The following TTC29 variants were observed in gnomAD, a reference collection of about 807,000 sequenced individuals.
TTC29 encodes tetratricopeptide repeat protein 29.
TTC29 carries 49 observed loss-of-function variants against 58.1 expected under a neutral mutation model. The observed-to-expected ratio is 0.84, with a 90% CI of 0.67 to 1.07. The LOEUF (loss-of-function observed/expected upper bound fraction) is 1.07, where lower values mean the gene tolerates loss of function less well. Among genes scored for constraint, TTC29 ranks in the 50% least tolerant of loss-of-function variants. TTC29 has a pLI of 0.00. For synonymous variants in TTC29, 209 were observed against 196.8 expected (o/e 1.06, Z -0.52); for missense variants, 582 against 555.6 (o/e 1.05, Z -0.48).
At chr4:146,799,864 T>A (rs186229272) in intron 11 of TTC29, among the ~76,000 whole-genome samples, 2 of 152,306 alleles carry the variant, frequency 1.3e-5, no homozygotes, top group Admixed American at 6.5e-5. Flanking sequence ...CTGTTCCACA[T>A]GTGGGTCTGA....
At chr4:146,801,978 CAAAAAAAAAAAAAAAAAA>C (rs57486017) in intron 11 of TTC29, among the ~76,000 whole-genome samples, 5 of 38,774 alleles carry the variant, frequency 1.3e-4, no homozygotes, top group Admixed American at 4.3e-4. Context: ...GACTCTGTCT[CAAAAAAAAAAAAAAAAAA>C]AAAAAAAAAA....
intron 4 of TTC29, among the ~76,000 whole-genome samples, chr4:146,911,450 A>G (rs1397213094): frequency 2.6e-5 from 4 of 152,228 alleles, no homozygotes; most frequent in Non-Finnish European, 5.9e-5. Context: ...TCATAGAACA[A>G]AGACGGATCA....
chr4:146,714,155 C>T (rs1438315835), intron 11 of TTC29, among the ~76,000 whole-genome samples: 5 of 151,922 alleles, frequency 3.3e-5, no homozygotes, highest in African/African-American at 2.4e-5. Flanking sequence ...TTCTGAAAGA[C>T]AAGAAATATG....
intron 4 of TTC29, among the ~76,000 whole-genome samples, chr4:146,926,609 C>T (rs759936039): frequency 4.0e-5 from 6 of 151,892 alleles, no homozygotes; most frequent in African/African-American, 1.2e-4. Context: ...ATTACAGGTG[C>T]GTGCCACCAT....
intron 9 of TTC29, among the ~76,000 whole-genome samples, chr4:146,830,573 T>C (rs1728091638): frequency 6.6e-6 from 1 of 152,212 alleles, no homozygotes; most frequent in African/African-American, 2.4e-5. Flanking sequence ...TTAGTGAAAC[T>C]TGTGCAATTG....
At chr4:146,748,109 G>A (rs568240025) in intron 11 of TTC29, among the ~76,000 whole-genome samples, 1 of 152,266 alleles carries the variant, frequency 6.6e-6, no homozygotes, top group East Asian at 1.9e-4. Context: ...TCTGAAGCTC[G>A]AGCTGCCAGA....
At chr4:146,744,769 T>C (rs1401807620) in intron 11 of TTC29, among the ~76,000 whole-genome samples, 2 of 152,174 alleles carry the variant, frequency 1.3e-5, no homozygotes, top group African/African-American at 4.8e-5. Context: ...AGAGATTACA[T>C]TTATATTTTC....
chr4:146,790,183 CTTTT>C (rs888891230), intron 11 of TTC29, among the ~76,000 whole-genome samples: 30 of 145,750 alleles, frequency 2.1e-4, no homozygotes, highest in African/African-American at 6.8e-4. Flanking sequence ...CAATCACTTT[CTTTT>C]TTTTTTTTTC....
At chr4:146,867,686 T>C in intron 7 of TTC29, 103 bp from the exon 8 acceptor site, 1 of 556,792 alleles carries the variant, frequency 1.8e-6, no homozygotes, top group South Asian at 3.6e-5. Context: ...TTTTTAAAAG[T>C]ATGCAGTTTT....
chr4:146,782,652 G>A (rs552451948), intron 11 of TTC29, among the ~76,000 whole-genome samples: 44 of 152,040 alleles, frequency 2.9e-4, no homozygotes, highest in African/African-American at 1.0e-3. Context: ...ACATATCAAT[G>A]TAATCTATTC....
chr4:146,918,855 T>A (rs1001920610), intron 4 of TTC29, among the ~76,000 whole-genome samples: 1 of 151,098 alleles, frequency 6.6e-6, no homozygotes, highest in Non-Finnish European at 1.5e-5. Context: ...CACTTCAGCA[T>A]CATTCATTTT....
At chr4:146,745,029 C>T (rs1468094209) in intron 11 of TTC29, among the ~76,000 whole-genome samples, 1 of 151,798 alleles carries the variant, frequency 6.6e-6, no homozygotes, top group East Asian at 1.9e-4. Context: ...ATTCAAAGAA[C>T]AAATAATTCT....
At chr4:146,888,728 C>T (rs973340784) in intron 6 of TTC29, among the ~76,000 whole-genome samples, 1 of 152,036 alleles carries the variant, frequency 6.6e-6, no homozygotes, top group Admixed American at 6.6e-5. Context: ...ATTTTTCTCC[C>T]CCTAATTAGT....
intron 9 of TTC29, among the ~76,000 whole-genome samples, chr4:146,820,749 T>G (rs1267667796): frequency 6.6e-6 from 1 of 152,134 alleles, no homozygotes; most frequent in East Asian, 1.9e-4. Flanking sequence ...AAGAATGAGG[T>G]AGGCTGGGCA....
chr4:146,713,822 T>C (rs1463525149), intron 11 of TTC29, among the ~76,000 whole-genome samples: 1 of 152,154 alleles, frequency 6.6e-6, no homozygotes, highest in Admixed American at 6.6e-5. Context: ...GAAGATACCA[T>C]ATTGACATAG....
chr4:146,921,913 T>G (rs530482966), intron 4 of TTC29, among the ~76,000 whole-genome samples: 2 of 150,234 alleles, frequency 1.3e-5, no homozygotes, highest in South Asian at 4.2e-4. Context: ...CACCAGGAAT[T>G]TTGTAAATTG....
chr4:146,768,915 T>G lies in TTC29; in HGVS notation c.1330+34542A>C, dbSNP rs533471667. Among the ~76,000 whole-genome samples, 4 of 152,150 alleles carry G rather than the reference T, an allele frequency of 2.6e-5. No homozygotes were observed. The South Asian group carries it at 6.2e-4, about 24-fold the overall frequency. On this transcript the variant is annotated intron_variant, in intron 11 of 12. Coordinates refer to ENST00000325106, the MANE Select transcript of TTC29 (RefSeq NM_031956.4). ...TAACAATGTATCTATGCAGGGAAAT[T>G]TAATAGTATTTTCTAGATGTCAAGA...
rs1344879464 is a variant in TTC29 at position 146,908,878 on chromosome 4, A to T, written c.400+148T>A. On this transcript the variant is annotated intron_variant, in intron 5 of 12. Transcript: ENST00000325106. Reference sequence around the variant, plus strand: ...TCGTGATCCAACATTCCCTTTCCTTAATTCCATAAAGACGTTTAATTGACT... The same window carrying T: ...TCGTGATCCAACATTCCCTTTCCTTTATTCCATAAAGACGTTTAATTGACT... 3 of 697,820 alleles carry T rather than the reference A, an allele frequency of 4.3e-6. No individual in the cohort carries two copies. In the African/African-American group the frequency reaches 5.4e-5, roughly 13 times the overall value. The allele number at this position is 697,820 out of a possible 1,614,324, so 43.2% of individuals were successfully genotyped here. A position where few individuals can be genotyped will look rare whatever the true frequency, so the allele number is the denominator to read the frequency against.
intron 4 of TTC29, among the ~76,000 whole-genome samples, chr4:146,919,994 T>G (rs1734477027): frequency 6.6e-6 from 1 of 151,036 alleles, no homozygotes; most frequent in Non-Finnish European, 1.5e-5. Context: ...CCTCTACACT[T>G]GCTAATAGTC....
Sources: gnomAD v4.1 joint callset for allele counts (sites outside exome capture counted in the v4.1 genomes callset) on GRCh38, gnomAD v4.1.1 for gene constraint, MANE v1.5 for transcripts, NCBI Gene and HGNC (gene_info 2026-07-23, HGNC 2026-07-21) for gene names.